Variants in MAD1L1 observed in about 807,000 individuals in gnomAD.
MAD1L1 encodes the protein mitotic arrest deficient 1 like 1, also known as mitotic spindle assembly checkpoint protein MAD1.
MAD1L1 carries 95 observed loss-of-function variants against 96.9 expected under a neutral mutation model. The ratio of observed to expected loss-of-function variants is 0.98; its 90% CI spans 0.83 to 1.16. The LOEUF (loss-of-function observed/expected upper bound fraction) is 1.16. MAD1L1 is among the 50% of genes most tolerant of loss of function. MAD1L1 has a pLI of 0.00. For synonymous variants in MAD1L1, 473 were observed against 396.6 expected (o/e 1.19, Z -2.29); for missense variants, 1,007 against 954.4 (o/e 1.06, Z -0.73).
chr7:2,045,425 T>G (rs1216758430), intron 12 of MAD1L1, among the ~76,000 whole-genome samples: 1 of 152,124 alleles, frequency 6.6e-6, no homozygotes, highest in East Asian at 1.9e-4. Flanking sequence ...AGCCCAGCAC[T>G]CTGCGTGTAC....
rs1052880921 is a variant in MAD1L1, at chr7:2,161,695, T to C, written c.987-12457A>G. ...GCCCGGCCGCCCATCGTCTGGGATG[T>C]GGGGAGCGCCTCTGCCCCGCCGCCC... On this transcript the variant is annotated intron_variant, in intron 10 of 18. Transcript: ENST00000265854. 2.0e-5 allele frequency among the ~76,000 whole-genome samples: 3 copies of C among 148,726 alleles called. No individual in the cohort carries two copies. The East Asian group carries it at 6.1e-4, about 30-fold the overall frequency.
chr7:2,091,313 G>A (rs773730678), intron 11 of MAD1L1, among the ~76,000 whole-genome samples: 8 of 152,000 alleles, frequency 5.3e-5, no homozygotes, highest in Non-Finnish European at 8.8e-5. Flanking sequence ...CCTGTTGCTG[G>A]GTGTGCCTGC....
At chr7:1,908,368 C>T (rs532905430) in intron 17 of MAD1L1, among the ~76,000 whole-genome samples, 2 of 152,254 alleles carry the variant, frequency 1.3e-5, no homozygotes, top group South Asian at 2.1e-4. Flanking sequence ...GCTGTATACA[C>T]TCCTCCTTCA....
chr7:2,211,995 G>A (rs1792970778), intron 10 of MAD1L1, among the ~76,000 whole-genome samples: 1 of 152,212 alleles, frequency 6.6e-6, no homozygotes, highest in South Asian at 2.1e-4. Flanking sequence ...CCCGGGCTCT[G>A]ATGGCTCCTT....
chr7:1,892,617 C>T (rs1308649974), intron 18 of MAD1L1, among the ~76,000 whole-genome samples: 1 of 152,194 alleles, frequency 6.6e-6, no homozygotes, highest in Non-Finnish European at 1.5e-5. Context: ...GGAACATTCC[C>T]GACTTCAGGT....
chr7:1,908,911 C>T (rs1289102199), intron 17 of MAD1L1, among the ~76,000 whole-genome samples: 1 of 152,332 alleles, frequency 6.6e-6, no homozygotes, highest in South Asian at 2.1e-4. Context: ...TCCCTGGCGG[C>T]GGCTGGGCGC....
At chr7:1,953,552 T>A (rs1779593879) in intron 16 of MAD1L1, among the ~76,000 whole-genome samples, 1 of 152,226 alleles carries the variant, frequency 6.6e-6, no homozygotes, top group African/African-American at 2.4e-5. Flanking sequence ...TTCTACTTAA[T>A]TACACGCACA....
chr7:1,847,468 A>G (rs1225065508), intron 18 of MAD1L1: 1 of 470,960 alleles, frequency 2.1e-6, no homozygotes, highest in Non-Finnish European at 4.4e-6. Context: ...TCTGTCCCAC[A>G]CAACCCAGCC....
chr7:1,856,623 A>C (rs982081740), intron 18 of MAD1L1, among the ~76,000 whole-genome samples: 12 of 152,184 alleles, frequency 7.9e-5, no homozygotes, highest in Non-Finnish European at 1.2e-4. Context: ...TAATAAAGAA[A>C]AGTTCAGGAG....
intron 9 of MAD1L1, among the ~76,000 whole-genome samples, chr7:2,214,347 C>T (rs1793147783): frequency 6.6e-6 from 1 of 152,214 alleles, no homozygotes; most frequent in Non-Finnish European, 1.5e-5. Context: ...CCTACAGAAC[C>T]CAGCACCTGA....
In MAD1L1 at chr7:1,838,536, C is replaced by A. The variant is rs1330386949; in HGVS notation, c.1999-22308G>T. The A allele has an allele frequency of 6.2e-5, 21 of 340,978 alleles. 1 individual carries two copies. Among genetic ancestry groups the A allele is most frequent in the South Asian group, 4.8e-4 (20 of 41,464 alleles). The allele number at this position is 340,978 out of a possible 1,614,324, so 21.1% of individuals were successfully genotyped here. A position where few individuals can be genotyped will look rare whatever the true frequency, so the allele number is the denominator to read the frequency against. On this transcript the variant is annotated intron_variant, in intron 18 of 18. Coordinates refer to ENST00000265854, the MANE Select transcript of MAD1L1 (RefSeq NM_001013836.2). ...GCGTCAGCACGTGGTCCAATGTGAGCGAACCGTGAAAACCTTACGCTCAGC... is the reference window on the plus strand; with the variant it reads ...GCGTCAGCACGTGGTCCAATGTGAGAGAACCGTGAAAACCTTACGCTCAGC...
At chr7:1,889,624 G>A (rs2128436755) in intron 18 of MAD1L1, among the ~76,000 whole-genome samples, 1 of 152,340 alleles carries the variant, frequency 6.6e-6, no homozygotes, top group Middle Eastern at 3.4e-3. Flanking sequence ...GGAGGCAACA[G>A]GCTCAGCCAT....
At chr7:1,915,380 C>A (rs991256481) in intron 17 of MAD1L1, among the ~76,000 whole-genome samples, 1 of 152,132 alleles carries the variant, frequency 6.6e-6, no homozygotes, top group Non-Finnish European at 1.5e-5. Flanking sequence ...GGAAGGAGAC[C>A]TGGGGCAGAC....
chr7:2,208,809 G>A (rs959343496), intron 10 of MAD1L1, among the ~76,000 whole-genome samples: 18 of 152,034 alleles, frequency 1.2e-4, no homozygotes, highest in Admixed American at 1.2e-3. Context: ...AGGATGACAC[G>A]TACCTCAAAG....
At chr7:2,011,250 C>T (rs1431900154) in intron 13 of MAD1L1, among the ~76,000 whole-genome samples, 1 of 152,140 alleles carries the variant, frequency 6.6e-6, no homozygotes, top group Admixed American at 6.5e-5. Flanking sequence ...CGGGGGCATC[C>T]CTGGCTTGGG....
intron 17 of MAD1L1, among the ~76,000 whole-genome samples, chr7:1,902,618 G>A (rs1009868011): frequency 6.6e-6 from 1 of 152,238 alleles, no homozygotes; most frequent in African/African-American, 2.4e-5. Context: ...CTTCCCCGGG[G>A]CCTGAGCTAT....
intron 10 of MAD1L1, among the ~76,000 whole-genome samples, chr7:2,180,532 A>ATG (rs1416801450): frequency 6.6e-6 from 1 of 152,216 alleles, no homozygotes; most frequent in African/African-American, 2.4e-5. Context: ...GAGTTTTCAA[A>ATG]TGTGAAATGT....
At chr7:2,215,790 T>C in intron 9 of MAD1L1, 95 bp downstream of exon 9, 2 of 1,109,766 alleles carry the variant, frequency 1.8e-6, no homozygotes, top group Non-Finnish European at 2.7e-6. Flanking sequence ...CTCCATGTTG[T>C]AGGTGAGCAG....
In MAD1L1 at chr7:2,092,188, A is replaced by T. The variant is rs544822856; in HGVS notation, c.1074-22850T>A. Among the ~76,000 whole-genome samples the T allele has an allele frequency of 3.0e-4, 46 of 152,278 alleles. 1 individual carries two copies. The South Asian group carries it at 9.5e-3, about 32-fold the overall frequency. ...TCTTACAGTTTTTAGCCATTCCCAC[A>T]GTGTGTGGCCATGTCTCATGGTTGT... On this transcript the variant is annotated intron_variant, in intron 11 of 18. Transcript: ENST00000265854.
Sources: allele counts gnomAD v4.1 joint callset (sites outside exome capture counted in the v4.1 genomes callset), GRCh38; gene constraint gnomAD v4.1.1; transcripts MANE v1.5; gene names NCBI Gene and HGNC (gene_info 2026-07-23, HGNC 2026-07-21).